MED12L: variants seen among roughly 807,000 people sequenced by gnomAD.
MED12L encodes mediator complex subunit 12L, also known as mediator of RNA polymerase II transcription subunit 12-like protein.
A neutral mutation model predicts 281.3 loss-of-function variants in MED12L; 60 were observed. The ratio of observed to expected loss-of-function variants is 0.21; its 90% CI spans 0.17 to 0.26. MED12L has a LOEUF of 0.26. MED12L is among the 10% of genes least tolerant of loss of function. The pLI, the probability that MED12L is intolerant of heterozygous loss-of-function variation, is 1.00. For synonymous variants in MED12L, 974 were observed against 987.2 expected, an observed-to-expected ratio of 0.99 and a Z score of 0.25; for missense variants, 2,146 against 2,680.9, an observed-to-expected ratio of 0.80 and a Z score of 4.41.
At chr3:151,416,970 A>C (rs1577601716) in intron 43 of MED12L, among the ~76,000 whole-genome samples, 1 of 152,218 alleles carries the variant, frequency 6.6e-6, no homozygotes, top group East Asian at 1.9e-4. Flanking sequence ...TCTAAACCTC[A>C]GTCATTTACA....
At chr3:151,416,512 AC>A in intron 43 of MED12L, 90 bp downstream of exon 43, 1 of 1,417,536 alleles carries the variant, frequency 7.1e-7, no homozygotes, top group South Asian at 1.3e-5. Flanking sequence ...TTAAGAATCG[AC>A]AAAGCCTAAG....
rs145691814 is a variant in MED12L at position 151,225,606 on chromosome 3, C to T, written c.2250+31940C>T. Among the ~76,000 whole-genome samples, 46 of 152,296 alleles carry T rather than the reference C, an allele frequency of 3.0e-4. No homozygotes were observed. The East Asian group carries it at 8.3e-3, about 27-fold the overall frequency. ...TGAATTTTGAAACGGACACTCAAAC[C>T]GTAGCAGCTTTCTGTCAGATCCTAT... On this transcript the variant is annotated intron_variant, in intron 16 of 44. Coordinates refer to ENST00000687756, the MANE Select transcript of MED12L (RefSeq NM_001393769.1).
At chr3:151,314,568 A>G (rs1747984827) in intron 16 of MED12L, among the ~76,000 whole-genome samples, 1 of 152,228 alleles carries the variant, frequency 6.6e-6, no homozygotes, top group South Asian at 2.1e-4. Context: ...GGAAGAGCAA[A>G]TAGTACATTC....
At chr3:151,350,563 G>C (rs562154676) in intron 17 of MED12L, among the ~76,000 whole-genome samples, 1 of 152,112 alleles carries the variant, frequency 6.6e-6, no homozygotes, top group Admixed American at 6.5e-5. Flanking sequence ...GTCTGGAAGA[G>C]ATCCATTTCT....
intron 5 of MED12L, among the ~76,000 whole-genome samples, chr3:151,142,162 T>C (rs921527540): frequency 1.8e-4 from 27 of 152,290 alleles, no homozygotes; most frequent in Admixed American, 1.5e-3. Context: ...ATTTCACAAA[T>C]GAGGGGACAA....
intron 44 of MED12L, among the ~76,000 whole-genome samples, chr3:151,431,198 G>A (rs757263999): frequency 8.5e-5 from 13 of 152,170 alleles, no homozygotes; most frequent in Non-Finnish European, 1.8e-4. Context: ...TTTTCCATCC[G>A]TGCAATGAGT....
intron 11 of MED12L, among the ~76,000 whole-genome samples, chr3:151,171,595 C>T (rs1484392490): frequency 4.6e-5 from 7 of 152,194 alleles, no homozygotes; most frequent in Admixed American, 2.6e-4. Flanking sequence ...GGGAAACTTA[C>T]ATATTTATTG....
chr3:151,282,027 T>G (rs1742884822), intron 16 of MED12L, among the ~76,000 whole-genome samples: 1 of 152,212 alleles, frequency 6.6e-6, no homozygotes, highest in African/African-American at 2.4e-5. Context: ...CTATGCATAA[T>G]TGTTACCATA....
At position 151,394,774 on chromosome 3, in the gene MED12L, C is replaced by T; in HGVS notation, c.5727C>T (p.Ile1909=). 6.2e-7 allele frequency: 1 copy of T among 1,614,240 alleles called. No individual in the cohort carries two copies. Among genetic ancestry groups the T allele is most frequent in the South Asian group, 1.1e-5 (1 of 91,088 alleles). The change falls in exon 39 of 45, where the codon ATC becomes ATT. Residue 1909 remains isoleucine, a synonymous_variant. Transcript: ENST00000687756. ...TGCAGCCGCCTTCTCTTCATGCAAT[C>T]ACATCGCAGCAGCAGTTGATACAGA... is the stretch of plus-strand genomic sequence containing the variant. ...AMMQPPSLHA[I]TSQQQLIQMK... is the part of the protein sequence containing the mutation.
chr3:151,397,949 G>A (rs1715192697), intron 39 of MED12L, among the ~76,000 whole-genome samples: 3 of 152,252 alleles, frequency 2.0e-5, no homozygotes, highest in Admixed American at 1.3e-4. Flanking sequence ...TCCAGGTTTT[G>A]GATGTGACTG....
chr3:151,199,374 A>C (rs1345929688), intron 16 of MED12L: 1 of 1,608,314 alleles, frequency 6.2e-7, no homozygotes, highest in Non-Finnish European at 8.5e-7. Context: ...CAGAAGAACG[A>C]ACTGTTTGTC....
chr3:151,345,810 C>G (rs913505704), intron 16 of MED12L, among the ~76,000 whole-genome samples: 1 of 152,112 alleles, frequency 6.6e-6, no homozygotes, highest in African/African-American at 2.4e-5. Context: ...AGCCACCATG[C>G]CCAGCCTACA....
At chr3:151,266,912 C>A (rs574417308) in intron 16 of MED12L, among the ~76,000 whole-genome samples, 1 of 152,302 alleles carries the variant, frequency 6.6e-6, no homozygotes, top group African/African-American at 2.4e-5. Flanking sequence ...AAACCCCCAC[C>A]TTCACATGAA....
rs1175517927 is a variant in MED12L at position 151,190,757 on chromosome 3, C to T, written c.1794C>T (p.Asn598=). 6.2e-7 allele frequency: 1 copy of T among 1,614,158 alleles called. No homozygotes were observed. The highest frequency in any genetic ancestry group is 8.5e-7 in the Non-Finnish European group (1 of 1,180,030). Residue 598 remains asparagine, a synonymous_variant, in exon 14 of 45, where the codon AAC becomes AAT. Coordinates refer to ENST00000687756, the MANE Select transcript of MED12L (RefSeq NM_001393769.1). ...NSECEKVEFV[N]LVLLFCEFIR... is the part of the protein sequence containing the mutation. The stretch of plus-strand genomic sequence containing the variant: ...AATGTGAAAAGGTGGAATTTGTGAA[C>T]CTGGTGCTGCTCTTCTGCGAGTTCA...
At position 151,287,946 on chromosome 3, in the gene MED12L, A is replaced by G. The variant is rs1220608852; in HGVS notation, c.2251-62113A>G. Among the ~76,000 whole-genome samples the G allele has an allele frequency of 2.0e-5, 3 of 152,324 alleles. No individual in the cohort carries two copies. The East Asian group carries it at 5.8e-4, about 29-fold the overall frequency. On this transcript the variant is annotated intron_variant, in intron 16 of 44. Transcript: ENST00000687756. ...TTTTACCATTTTTGTGATTAATAGAAGCGGCCCAGAAAAAGTTTACCCTTT... is the reference window on the plus strand; with the variant it reads ...TTTTACCATTTTTGTGATTAATAGAGGCGGCCCAGAAAAAGTTTACCCTTT...
At chr3:151,337,655 A>C (rs943018779) in intron 16 of MED12L, 1 of 696,490 alleles carries the variant, frequency 1.4e-6, no homozygotes, top group Non-Finnish European at 2.4e-6. Context: ...ATAGCTTTTC[A>C]TACTGGAAAG....
intron 43 of MED12L, among the ~76,000 whole-genome samples, chr3:151,421,720 A>G (rs1438179385): frequency 1.3e-5 from 2 of 152,108 alleles, no homozygotes; most frequent in Non-Finnish European, 2.9e-5. Flanking sequence ...GAAAATTTTT[A>G]TATATCCTTT....
chr3:151,267,037 A>G (rs747339926), intron 16 of MED12L, among the ~76,000 whole-genome samples: 9 of 152,214 alleles, frequency 5.9e-5, no homozygotes, highest in Admixed American at 1.3e-4. Context: ...GTAAAGTACA[A>G]AAGACTTTTT....
At chr3:151,159,431 GCCAC>G (rs2148951454) in intron 7 of MED12L, among the ~76,000 whole-genome samples, 1 of 152,270 alleles carries the variant, frequency 6.6e-6, no homozygotes, top group Admixed American at 6.5e-5. Flanking sequence ...CATTACAATA[GCCAC>G]TAGCCAGATG....
Sources: gnomAD v4.1 joint callset for allele counts (sites outside exome capture counted in the v4.1 genomes callset) on GRCh38, gnomAD v4.1.1 for gene constraint, MANE v1.5 for transcripts, NCBI Gene and HGNC (gene_info 2026-07-23, HGNC 2026-07-21) for gene names.